Variants in GPC5 observed in about 807,000 individuals in gnomAD.
The protein encoded by GPC5 is glypican-5.
A neutral mutation model predicts 53.9 loss-of-function variants in GPC5; 47 were observed. The ratio of observed to expected loss-of-function variants is 0.87; its 90% CI spans 0.69 to 1.11. GPC5 has a LOEUF of 1.11. Ranked by LOEUF, GPC5 falls within the 50% of genes most tolerant of loss-of-function variation. The pLI, the probability that GPC5 is intolerant of heterozygous loss-of-function variation, is 0.00. For missense variants in GPC5, 748 were observed against 713.1 expected, an observed-to-expected ratio of 1.05 and a Z score of -0.56; for synonymous variants, 286 against 263.3, an observed-to-expected ratio of 1.09 and a Z score of -0.84.
rs567478017 is a variant in GPC5, at chr13:92,547,819, C to CTTTTTTT, written c.1562-318445_1562-318439dup. Among the ~76,000 whole-genome samples the CTTTTTTT allele has an allele frequency of 5.7e-4, 57 of 100,444 alleles. 3 individuals carry two copies. Among genetic ancestry groups the CTTTTTTT allele is most frequent in the South Asian group, 1.7e-3 (5 of 2,980 alleles). 65.9% of individuals were successfully genotyped at this position (100,444 alleles called of 152,430 possible). The stretch of plus-strand genomic sequence containing the variant: ...AAGAAAACTTATTATGCCTATTATT[C>CTTTTTTT]TTTTTTTTTTTTTTTTTTTTTTTTC... On this transcript the variant is annotated intron_variant, in intron 7 of 7. Transcript: ENST00000377067.
chr13:91,788,513 A>G (rs2037913197), intron 5 of GPC5, among the ~76,000 whole-genome samples: 1 of 152,220 alleles, frequency 6.6e-6, no homozygotes, highest in Non-Finnish European at 1.5e-5. Flanking sequence ...ATTTGGATCA[A>G]TTCATCTGCC....
chr13:92,135,542 A>G (rs2041777297), intron 6 of GPC5, among the ~76,000 whole-genome samples: 1 of 152,184 alleles, frequency 6.6e-6, no homozygotes, highest in Admixed American at 6.5e-5. Context: ...AACCGGAGGT[A>G]AGGATCAGGA....
intron 7 of GPC5, among the ~76,000 whole-genome samples, chr13:92,648,951 A>G (rs894363735): frequency 6.6e-6 from 1 of 152,118 alleles, no homozygotes; most frequent in Non-Finnish European, 1.5e-5. Context: ...GCAAGAGGAT[A>G]TAAGTATGTA....
chr13:91,700,197 T>C (rs538673), intron 3 of GPC5, among the ~76,000 whole-genome samples: 36,810 of 151,986 alleles, frequency 0.24, 6,309 homozygotes, highest in African/African-American at 0.49. Context: ...TCTCCTGAGG[T>C]GATTAGCAGT....
chr13:92,149,366 A>C (rs954575468), intron 7 of GPC5, among the ~76,000 whole-genome samples: 1 of 152,108 alleles, frequency 6.6e-6, no homozygotes, highest in African/African-American at 2.4e-5. Flanking sequence ...GGTAGGAGGT[A>C]GGCTTATTGG....
intron 5 of GPC5, among the ~76,000 whole-genome samples, chr13:91,903,392 A>C (rs1414908748): frequency 6.6e-6 from 1 of 152,074 alleles, no homozygotes; most frequent in Non-Finnish European, 1.5e-5. Flanking sequence ...ATTGTTGGGT[A>C]TATGCCCAAG....
chr13:91,957,900 C>T (rs1257071919), intron 6 of GPC5, among the ~76,000 whole-genome samples: 3 of 151,956 alleles, frequency 2.0e-5, no homozygotes, highest in East Asian at 3.9e-4. Context: ...AAAGAAAAAA[C>T]TCAAAAATTA....
intron 7 of GPC5, among the ~76,000 whole-genome samples, chr13:92,527,241 GAAAGAAAGAGAA>G (rs1207940245): frequency 3.8e-4 from 14 of 36,586 alleles, no homozygotes; most frequent in African/African-American, 8.0e-4. Context: ...AAGAAAGAAA[GAAAGAAAGAGAA>G]AGAAAGAAAG....
chr13:91,882,163 C>G lies in GPC5; in HGVS notation c.1281-25774C>G, dbSNP rs186893063. Among the ~76,000 whole-genome samples the G allele has an allele frequency of 6.8e-4, 103 of 152,126 alleles. 1 individual carries two copies. The highest frequency in any genetic ancestry group is 1.3e-3 in the Non-Finnish European group (85 of 67,950). On this transcript the variant is annotated intron_variant, in intron 5 of 7. Transcript: ENST00000377067. ...GGGGGTGCTTGTTGTCCTGTTTTAA[C>G]TTTCTCTTAATTTCTAATGTAATTG...
chr13:92,478,176 C>G (rs956859363), intron 7 of GPC5, among the ~76,000 whole-genome samples: 1 of 151,992 alleles, frequency 6.6e-6, no homozygotes, highest in African/African-American at 2.4e-5. Flanking sequence ...AATTGTTTAT[C>G]TTGATAATTA....
At chr13:92,269,928 C>G (rs944278632) in intron 7 of GPC5, among the ~76,000 whole-genome samples, 7 of 152,122 alleles carry the variant, frequency 4.6e-5, no homozygotes, top group Non-Finnish European at 8.8e-5. Context: ...GTAAGCATCC[C>G]TACCAAAGTC....
intron 7 of GPC5, among the ~76,000 whole-genome samples, chr13:92,279,652 T>C (rs191166346): frequency 2.6e-5 from 4 of 152,146 alleles, no homozygotes; most frequent in Admixed American, 1.3e-4. Context: ...TTTTATCTTA[T>C]TGCTTTATTT....
intron 6 of GPC5, among the ~76,000 whole-genome samples, chr13:92,109,810 G>A (rs569172038): frequency 2.0e-5 from 3 of 152,114 alleles, no homozygotes; most frequent in African/African-American, 7.2e-5. Context: ...ATCTTCTATG[G>A]TACTCTTTGA....
At chr13:91,557,680 TC>T (rs1283936863) in intron 2 of GPC5, among the ~76,000 whole-genome samples, 1 of 152,154 alleles carries the variant, frequency 6.6e-6, no homozygotes, top group African/African-American at 2.4e-5. Flanking sequence ...ATCCTTTCAT[TC>T]AAACAGATTC....
At chr13:92,306,307 G>A (rs2043110469) in intron 7 of GPC5, among the ~76,000 whole-genome samples, 2 of 152,246 alleles carry the variant, frequency 1.3e-5, no homozygotes, top group Admixed American at 1.3e-4. Flanking sequence ...CAGACTCAAT[G>A]CCTCTGCAAT....
chr13:92,455,906 G>A (rs1466356953), intron 7 of GPC5, among the ~76,000 whole-genome samples: 1 of 152,106 alleles, frequency 6.6e-6, no homozygotes, highest in Non-Finnish European at 1.5e-5. Context: ...TCTTTTTGGA[G>A]GGTGAGTAAA....
chr13:91,404,975 C>T (rs1345657975), intron 1 of GPC5, among the ~76,000 whole-genome samples: 1 of 152,146 alleles, frequency 6.6e-6, no homozygotes, highest in African/African-American at 2.4e-5. Context: ...TCCCATTTCC[C>T]ATGCTGTTAA....
At chr13:92,235,565 TTTAGAGAAGTGGCCCAAATC>T (rs1294269397) in intron 7 of GPC5, among the ~76,000 whole-genome samples, 2 of 152,096 alleles carry the variant, frequency 1.3e-5, no homozygotes, top group Non-Finnish European at 2.9e-5. Context: ...TGGTGTTCGA[TTTAGAGAAGTGGCCCAAATC>T]TTTATTTTTC....
intron 7 of GPC5, among the ~76,000 whole-genome samples, chr13:92,682,162 T>A (rs562250183): frequency 6.6e-6 from 1 of 152,332 alleles, no homozygotes; most frequent in South Asian, 2.1e-4. Flanking sequence ...ATAGACTGAT[T>A]CAACTGAAGT....
Sources: allele counts gnomAD v4.1 joint callset (sites outside exome capture counted in the v4.1 genomes callset), GRCh38; gene constraint gnomAD v4.1.1; transcripts MANE v1.5; gene names NCBI Gene and HGNC (gene_info 2026-07-23, HGNC 2026-07-21).